PRKAR1B: variants seen among roughly 807,000 people sequenced by gnomAD.
The protein encoded by PRKAR1B is protein kinase cAMP-dependent type I regulatory subunit beta, also known as cAMP-dependent protein kinase type I-beta regulatory subunit.
A neutral mutation model predicts 46.5 loss-of-function variants in PRKAR1B; 22 were observed. That is an observed-to-expected ratio of 0.47 (90% CI 0.34 to 0.68). The LOEUF is 0.68. Ranked by LOEUF, PRKAR1B falls within the 30% of genes least tolerant of loss-of-function variation. The pLI, the probability that PRKAR1B is intolerant of heterozygous loss-of-function variation, is 0.01. For synonymous variants in PRKAR1B, 259 were observed against 217.7 expected (o/e 1.19, Z -1.67); for missense variants, 445 against 535.6 (o/e 0.83, Z 1.67).
At chr7:721,651 A>G (rs1781075851) in intron 1 of PRKAR1B, among the ~76,000 whole-genome samples, 1 of 150,994 alleles carries the variant, frequency 6.6e-6, no homozygotes, top group African/African-American at 2.4e-5. Flanking sequence ...TCCGTCTCAA[A>G]AAAAAAAAAA....
At chr7:606,999 C>CTA (rs938653414) in intron 5 of PRKAR1B, among the ~76,000 whole-genome samples, 3 of 151,942 alleles carry the variant, frequency 2.0e-5, no homozygotes, top group Non-Finnish European at 2.9e-5. Flanking sequence ...ATGTACAAGT[C>CTA]TATATATATC....
intron 4 of PRKAR1B, among the ~76,000 whole-genome samples, chr7:672,382 C>A (rs1786308849): frequency 6.6e-6 from 1 of 151,672 alleles, no homozygotes; most frequent in South Asian, 2.1e-4. Context: ...GAACTCCTGG[C>A]CTCAAGTGAT....
At position 666,349 on chromosome 7, in the gene PRKAR1B, G is replaced by A. The variant is rs1034518975; in HGVS notation, c.440+10880C>T. ...TGGTCCTGGCACATCAGAGAGCTCC[G>A]GAGCACGCGGGGCTGCTTCCTGAGG... On this transcript the variant is annotated intron_variant, in intron 4 of 10. Transcript: ENST00000537384. The surrounding 1 kb of genome is among the most constrained non-coding windows in gnomAD (Gnocchi z 4.9). 3.3e-5 allele frequency among the ~76,000 whole-genome samples: 5 copies of A among 151,958 alleles called. No homozygotes were observed. Among genetic ancestry groups the A allele is most frequent in the Admixed American group, 6.5e-5 (1 of 15,286 alleles).
chr7:684,875 G>GACACACAC (rs142305067), intron 2 of PRKAR1B, among the ~76,000 whole-genome samples: 2,280 of 145,480 alleles, frequency 0.016, 54 homozygotes, highest in African/African-American at 0.051. Flanking sequence ...ACTTCACACA[G>GACACACAC]ACACACACAC....
At position 685,367 on chromosome 7, in the gene PRKAR1B, CAT is replaced by C. The variant is rs10586227; in HGVS notation, c.178-4643_178-4642del. ...ATATATGTATACATATATATATACACATATATATATATACATACATATATATA... is the reference window on the plus strand; with the variant it reads ...ATATATGTATACATATATATATACACATATATATATACATACATATATATA... On this transcript the variant is annotated intron_variant, in intron 2 of 10. Transcript: ENST00000537384. Among the ~76,000 whole-genome samples the C allele has an allele frequency of 6.9e-4, 21 of 30,250 alleles. 5 individuals carry two copies. In the South Asian group the frequency reaches 9.0e-3, roughly 13 times the overall value. The allele number at this position is 30,250 out of a possible 152,430, so 19.8% of individuals were successfully genotyped here.
chr7:640,564 A>G (rs1784334921), intron 4 of PRKAR1B, among the ~76,000 whole-genome samples: 1 of 152,122 alleles, frequency 6.6e-6, no homozygotes, highest in African/African-American at 2.4e-5. Context: ...GGAGTTCGAG[A>G]CCAACCTGGC....
At chr7:601,704 C>T (rs140471555) in intron 6 of PRKAR1B, among the ~76,000 whole-genome samples, 1,879 of 152,328 alleles carry the variant, frequency 0.012, 45 homozygotes, top group African/African-American at 0.04. Flanking sequence ...GGTGTTCGTG[C>T]ACAGCCGCCT....
intron 1 of PRKAR1B, among the ~76,000 whole-genome samples, chr7:717,231 G>C (rs1261695163): frequency 6.6e-6 from 1 of 152,080 alleles, no homozygotes; most frequent in Non-Finnish European, 1.5e-5. Context: ...AGAGGTCATA[G>C]TGAGCTGAGA....
chr7:637,296 A>G (rs2128483030), intron 4 of PRKAR1B, among the ~76,000 whole-genome samples: 1 of 152,214 alleles, frequency 6.6e-6, no homozygotes, highest in East Asian at 1.9e-4. Flanking sequence ...GCGCACCTGT[A>G]ATCCCAGCTA....
At chr7:682,319 T>A (rs1490758603) in intron 2 of PRKAR1B, among the ~76,000 whole-genome samples, 1 of 152,162 alleles carries the variant, frequency 6.6e-6, no homozygotes, top group East Asian at 1.9e-4. Flanking sequence ...CCAAGTGCGG[T>A]GGCTTCAGGC....
intron 1 of PRKAR1B, among the ~76,000 whole-genome samples, chr7:721,261 C>T (rs537083799): frequency 6.6e-6 from 1 of 152,328 alleles, no homozygotes; most frequent in East Asian, 1.9e-4. Flanking sequence ...TAAAGAAACT[C>T]ATGAGGTGAA....
intron 4 of PRKAR1B, among the ~76,000 whole-genome samples, chr7:628,830 TCAG>T: frequency 3.9e-5 from 1 of 25,672 alleles, no homozygotes; most frequent in South Asian, 5.2e-3. Context: ...CACCCCCAAG[TCAG>T]GCTCAAGGAC....
At position 678,008 on chromosome 7, in the gene PRKAR1B, C is replaced by T. The variant is rs905699898; in HGVS notation, c.349-688G>A. On this transcript the variant is annotated intron_variant, in intron 3 of 10. Transcript: ENST00000537384. ...TACACAGGCCGGGCACGGTGGCTCACGCCTGTAATCCCAGCACTTTGAGAG... is the reference window on the plus strand; with the variant it reads ...TACACAGGCCGGGCACGGTGGCTCATGCCTGTAATCCCAGCACTTTGAGAG... Among the ~76,000 whole-genome samples, 5 of 152,262 alleles carry T rather than the reference C, an allele frequency of 3.3e-5. No individual in the cohort carries two copies. The South Asian group carries it at 6.2e-4, about 19-fold the overall frequency.
intron 4 of PRKAR1B, among the ~76,000 whole-genome samples, chr7:671,371 A>G (rs1231865759): frequency 1.3e-5 from 2 of 152,224 alleles, no homozygotes; most frequent in African/African-American, 4.8e-5. Flanking sequence ...AGCCATGCAG[A>G]GGGACGGGTG....
chr7:673,071 A>AAAAAC (rs1786367524), intron 4 of PRKAR1B, among the ~76,000 whole-genome samples: 1 of 144,484 alleles, frequency 6.9e-6, no homozygotes, highest in Admixed American at 6.9e-5. Context: ...AAAAAAAAAA[A>AAAAAC]AAAAAAACAC....
At chr7:608,777 T>A (rs1453876241) in intron 4 of PRKAR1B, among the ~76,000 whole-genome samples, 1 of 82,234 alleles carries the variant, frequency 1.2e-5, no homozygotes, top group Non-Finnish European at 2.4e-5. Context: ...TCCACTGTCC[T>A]CCCACCTGGG....
intron 4 of PRKAR1B, chr7:608,449 G>A (rs1400281613): frequency 6.6e-6 from 1 of 152,284 alleles, no homozygotes; most frequent in Non-Finnish European, 1.5e-5. Flanking sequence ...TGACCCTCCT[G>A]ATTCCAGGGT....
intron 2 of PRKAR1B, among the ~76,000 whole-genome samples, chr7:694,353 G>A (rs570709326): frequency 1.4e-5 from 2 of 142,598 alleles, no homozygotes; most frequent in Admixed American, 6.7e-5. Flanking sequence ...TTAGACCCGG[G>A]ACCAAGACAC....
chr7:565,475 C>T (rs1404486224), intron 9 of PRKAR1B: 1 of 152,306 alleles, frequency 6.6e-6, no homozygotes, highest in African/African-American at 2.4e-5. Context: ...CAACACCGCA[C>T]CAGCTCCTTG....
Sources: allele counts gnomAD v4.1 joint callset (sites outside exome capture counted in the v4.1 genomes callset), GRCh38; gene constraint gnomAD v4.1.1; non-coding constraint Gnocchi (gnomAD v3.1); transcripts MANE v1.5; gene names NCBI Gene and HGNC (gene_info 2026-07-23, HGNC 2026-07-21).